The following DNAH12 variants were observed in gnomAD, a reference collection of about 807,000 sequenced individuals.
DNAH12 encodes the protein dynein axonemal heavy chain 12.
In DNAH12, 285 loss-of-function variants were observed where a neutral mutation model predicts 371.5. That is an observed-to-expected ratio of 0.77 (90% CI 0.70 to 0.85). The LOEUF is 0.85. DNAH12 is among the 40% of genes least tolerant of loss of function. The pLI, the probability that DNAH12 is intolerant of heterozygous loss-of-function variation, is 0.00. For synonymous variants in DNAH12, 1,200 were observed against 1,213.0 expected (o/e 0.99, Z 0.22); for missense variants, 3,611 against 3,689.4 (o/e 0.98, Z 0.55).
At chr3:57,543,315 G>GTTTTTTTTTTTTTTTTTTTTTTTTTTT (rs5849214) in intron 1 of DNAH12, among the ~76,000 whole-genome samples, 1 of 70,286 alleles carries the variant, frequency 1.4e-5, no homozygotes, top group Non-Finnish European at 2.4e-5. Context: ...ATCATTAATG[G>GTTTTTTTTTTTTTTTTTTTTTTTTTTT]TTTTTTTTTT....
At chr3:57,416,550 C>T (rs1056739024) in intron 37 of DNAH12, among the ~76,000 whole-genome samples, 2 of 152,102 alleles carry the variant, frequency 1.3e-5, no homozygotes, top group Admixed American at 6.6e-5. Context: ...TTTTAGGGTA[C>T]AGACATGGGG....
intron 2 of DNAH12, among the ~76,000 whole-genome samples, chr3:57,540,067 T>A (rs2069210015): frequency 6.6e-6 from 1 of 152,088 alleles, no homozygotes; most frequent in Non-Finnish European, 1.5e-5. Context: ...TTTTCTTTTT[T>A]TTGAGATGGA....
At chr3:57,499,647 AATATATATAT>A (rs1176721728) in intron 11 of DNAH12, among the ~76,000 whole-genome samples, 8 of 17,956 alleles carry the variant, frequency 4.5e-4, no homozygotes, top group Non-Finnish European at 9.6e-4. Flanking sequence ...AAAAAAAAAA[AATATATATAT>A]ATATATATAT....
rs1428289541 is a variant in DNAH12 at position 57,310,760 on chromosome 3, G to T, written c.10853C>A (p.Ala3618Glu). 2 of 1,551,476 alleles carry T rather than the reference G, an allele frequency of 1.3e-6. No individual in the cohort carries two copies. The highest frequency in any genetic ancestry group is 1.7e-6 in the Non-Finnish European group (2 of 1,146,946). Residue 3618 changes from alanine to glutamate, a missense_variant, in exon 67 of 74, where the codon GCA (alanine) becomes GAA (glutamate). Ala to Glu is a moderately radical substitution (Grantham distance 107, BLOSUM62 -1). Transcript: ENST00000495027. ...YKFSPSGNYF[A>E]PPKGTYEDYI... ...GTCCTCATAAGTGCCTTTAGGAGGT[G>T]CAAAATAGTTTCCACTGGGAGAAAA...
At chr3:57,537,639 A>T (rs180829069) in intron 2 of DNAH12, among the ~76,000 whole-genome samples, 118 of 152,228 alleles carry the variant, frequency 7.8e-4, no homozygotes, top group South Asian at 3.3e-3. Flanking sequence ...CAGTTTTTTT[A>T]AAAAACCTTT....
intron 58 of DNAH12, among the ~76,000 whole-genome samples, chr3:57,362,183 G>A (rs996159084): frequency 3.3e-5 from 5 of 152,202 alleles, no homozygotes; most frequent in African/African-American, 7.2e-5. Flanking sequence ...ATGTCCCTGC[G>A]AAGAACACGA....
intron 57 of DNAH12, 115 bp from the exon 58 acceptor site, chr3:57,363,901 T>C (rs2062991572): frequency 6.6e-6 from 1 of 152,118 alleles, no homozygotes; most frequent in Non-Finnish European, 1.5e-5. Context: ...GGTTAATTGC[T>C]TTAAGGGAAG....
chr3:57,517,131 C>T (rs940987833), intron 4 of DNAH12, among the ~76,000 whole-genome samples: 10 of 152,156 alleles, frequency 6.6e-5, no homozygotes, highest in African/African-American at 1.9e-4. Flanking sequence ...AATGTCACCA[C>T]CTCAGGGACG....
chr3:57,359,265 A>C (rs2062867510), intron 58 of DNAH12, among the ~76,000 whole-genome samples: 1 of 152,126 alleles, frequency 6.6e-6, no homozygotes, highest in Admixed American at 6.5e-5. Context: ...TTTTCTAAGA[A>C]ATAAATACTA....
chr3:57,335,890 C>G (rs2062211013), intron 60 of DNAH12, among the ~76,000 whole-genome samples: 2 of 152,178 alleles, frequency 1.3e-5, no homozygotes, highest in African/African-American at 4.8e-5. Flanking sequence ...TGTTCAGCAC[C>G]AGAGGAATTC....
At chr3:57,397,366 C>T (rs1244910972) in intron 43 of DNAH12, among the ~76,000 whole-genome samples, 2 of 152,192 alleles carry the variant, frequency 1.3e-5, no homozygotes, top group Non-Finnish European at 2.9e-5. Context: ...AGCTCCTCCC[C>T]CAGCTGGGCA....
intron 25 of DNAH12, among the ~76,000 whole-genome samples, chr3:57,451,997 T>C (rs1208329210): frequency 6.6e-6 from 1 of 152,148 alleles, no homozygotes; most frequent in African/African-American, 2.4e-5. Flanking sequence ...TTGGGCCTCC[T>C]TGAAGTGTGC....
intron 55 of DNAH12, among the ~76,000 whole-genome samples, chr3:57,373,920 C>T (rs1369752639): frequency 6.6e-6 from 1 of 152,128 alleles, no homozygotes; most frequent in African/African-American, 2.4e-5. Flanking sequence ...ACAATACTGT[C>T]AATATAAACA....
intron 10 of DNAH12, among the ~76,000 whole-genome samples, chr3:57,501,910 CTTT>C (rs11333440): frequency 2.8e-5 from 4 of 143,640 alleles, no homozygotes; most frequent in Non-Finnish European, 3.1e-5. Context: ...GGGTTTGATT[CTTT>C]TTTTTTTTTT....
At position 57,501,390 on chromosome 3, in the gene DNAH12, A is replaced by G. The variant is rs148978545; in HGVS notation, c.1266T>C (p.Leu422=). The G allele has an allele frequency of 6.9e-6, 11 of 1,588,980 alleles. No individual in the cohort carries two copies. In the Admixed American group the frequency reaches 9.6e-5, roughly 14 times the overall value. The stretch of plus-strand genomic sequence containing the variant: ...CTATATTCTCAACTGCAGTCCCATC[A>G]AGGAGCCAATTATATTTTTCAACTG... ...ETYVEKYNWL[L]DGTAVENIET... The change falls in exon 11 of 74, where the codon CTT becomes CTC. Residue 422 remains leucine, a synonymous_variant. Transcript: ENST00000495027.
At chr3:57,505,858 C>T (rs750727522) in intron 8 of DNAH12, among the ~76,000 whole-genome samples, 1 of 152,168 alleles carries the variant, frequency 6.6e-6, no homozygotes, top group Non-Finnish European at 1.5e-5. Context: ...AATCCTCCCA[C>T]CTCAGCCTCC....
chr3:57,304,418 G>C (rs1020236585), intron 69 of DNAH12, among the ~76,000 whole-genome samples: 1 of 152,140 alleles, frequency 6.6e-6, no homozygotes, highest in African/African-American at 2.4e-5. Flanking sequence ...CAGGTAAGCA[G>C]CCTTTTTTTT....
intron 20 of DNAH12, among the ~76,000 whole-genome samples, chr3:57,459,072 G>A (rs2065979981): frequency 6.6e-6 from 1 of 152,110 alleles, no homozygotes; most frequent in South Asian, 2.1e-4. Context: ...GCATATCTAT[G>A]GACTATGTTC....
chr3:57,446,469 C>T lies in DNAH12; in HGVS notation c.3939+68G>A. ...TCATGTTTAAACATGAGTTTGCTTC[C>T]ATTTATCCAATTAGACCTAGCTGTA... On this transcript the variant is annotated intron_variant, in intron 26 of 73. Coordinates refer to ENST00000495027, the MANE Select transcript of DNAH12 (RefSeq NM_001366028.2). The T allele has an allele frequency of 2.0e-6, 3 of 1,468,278 alleles. No homozygotes were observed. The South Asian group carries it at 4.3e-5, about 21-fold the overall frequency. 91.0% of individuals were successfully genotyped at this position (1,468,278 alleles called of 1,614,324 possible).
Sources: gnomAD v4.1 joint callset for allele counts (sites outside exome capture counted in the v4.1 genomes callset) on GRCh38, gnomAD v4.1.1 for gene constraint, MANE v1.5 for transcripts, NCBI Gene and HGNC (gene_info 2026-07-23, HGNC 2026-07-21) for gene names.